ZBTB21: variants seen among roughly 807,000 people sequenced by gnomAD.
ZBTB21 encodes zinc finger and BTB domain-containing protein 21.
ZBTB21 carries 10 observed loss-of-function variants against 39.8 expected under a neutral mutation model. The ratio of observed to expected loss-of-function variants is 0.25; its 90% CI spans 0.16 to 0.43. The LOEUF is 0.43. Among genes scored for constraint, ZBTB21 ranks in the 20% least tolerant of loss-of-function variants. The pLI is 1.00. For synonymous variants in ZBTB21, 551 were observed against 498.8 expected, an observed-to-expected ratio of 1.10 and a Z score of -1.40; for missense variants, 1,221 against 1,296.3, an observed-to-expected ratio of 0.94 and a Z score of 0.89.
chr21:41,999,232 G>A (rs1440939056), intron 2 of ZBTB21, among the ~76,000 whole-genome samples: 1 of 152,192 alleles, frequency 6.6e-6, no homozygotes, highest in Non-Finnish European at 1.5e-5. Context: ...TTAAAGGCTT[G>A]GATAGTCTTT....
At position 41,989,736 on chromosome 21, in the gene ZBTB21, C is replaced by G. The variant is rs1442580647; in HGVS notation, c.*1159G>C. ...AGAATGGCCTTGCCCATGATTTTAACCATCAGACCCCCAACAAATTCTAAC... is the reference window on the plus strand; with the variant it reads ...AGAATGGCCTTGCCCATGATTTTAAGCATCAGACCCCCAACAAATTCTAAC... On this transcript the variant is annotated 3_prime_UTR_variant, in exon 3 of 3. Transcript: ENST00000310826. 1.3e-5 allele frequency: 2 copies of G among 152,102 alleles called. No individual in the cohort carries two copies. Among genetic ancestry groups the G allele is most frequent in the African/African-American group, 4.8e-5 (2 of 41,434 alleles). The allele number at this position is 152,102 out of a possible 1,614,324, so 9.4% of individuals were successfully genotyped here.
rs201747023 is a variant in ZBTB21 at position 41,993,689 on chromosome 21, A to C, written c.407T>G (p.Phe136Cys). The C allele has an allele frequency of 1.2e-6, 2 of 1,614,116 alleles. No homozygotes were observed. The highest frequency in any genetic ancestry group is 2.2e-5 in the East Asian group (1 of 44,880). The change falls in exon 3 of 3, where the codon TTT becomes TGT. Residue 136 changes from phenylalanine to cysteine, a missense_variant. Physicochemically the swap from Phe to Cys is radical, Grantham distance 205 (BLOSUM62 -2). This residue lies in a region of ZBTB21 where 500 missense variants were observed against 465.6 expected (regional missense o/e 1.07). Transcript: ENST00000310826. ...FPTCPNRKKV[F>C]VEDDENSSQK... ...AGAACTGTTTTCATCATCTTCTACAAACACTTTTTTTCTATTAGGACACGT... is the reference window on the plus strand; with the variant it reads ...AGAACTGTTTTCATCATCTTCTACACACACTTTTTTTCTATTAGGACACGT...
rs2065591137 is a variant in ZBTB21, at chr21:41,987,347, C to T, written c.*3548G>A. 6.6e-6 allele frequency: 1 copy of T among 152,150 alleles called. No individual in the cohort carries two copies. The highest frequency in any genetic ancestry group is 1.5e-5 in the Non-Finnish European group (1 of 68,020). The allele number at this position is 152,150 out of a possible 1,614,324, so 9.4% of individuals were successfully genotyped here. On this transcript the variant is annotated 3_prime_UTR_variant, in exon 3 of 3. Transcript: ENST00000310826. ...TCTTCTCCCCAGTCACATGGGAATGCCACAAGCTGGAGTACCCGCTGAGAT... is the reference window on the plus strand; with the variant it reads ...TCTTCTCCCCAGTCACATGGGAATGTCACAAGCTGGAGTACCCGCTGAGAT...
intron 2 of ZBTB21, among the ~76,000 whole-genome samples, chr21:42,001,533 C>A (rs946957728): frequency 6.6e-6 from 1 of 152,162 alleles, no homozygotes; most frequent in South Asian, 2.1e-4. Context: ...GAGGTAGAGA[C>A]GCAGTATAGA....
At chr21:42,000,441 G>A (rs968257009) in intron 2 of ZBTB21, among the ~76,000 whole-genome samples, 3 of 152,146 alleles carry the variant, frequency 2.0e-5, no homozygotes, top group African/African-American at 7.2e-5. Flanking sequence ...TCGAAGCACA[G>A]GTAACGGCTA....
chr21:41,991,201 C>T lies in ZBTB21; in HGVS notation c.2895G>A (p.Glu965=), dbSNP rs1165365479. 6.2e-7 allele frequency: 1 copy of T among 1,614,176 alleles called. No homozygotes were observed. The highest frequency in any genetic ancestry group is 8.5e-7 in the Non-Finnish European group (1 of 1,180,036). The change falls in exon 3 of 3, where the codon GAG becomes GAA. Residue 965 remains glutamate (E), a synonymous_variant. Transcript: ENST00000310826. This position sits in a 1 kb window ranked among gnomAD's most constrained non-coding sequence, Gnocchi z 4.9. ...CCTCAGATTCCTTATGTGCCGATTC[C>T]TCTGAAGCCTGAGACATGTGCGATT... ...HFQSHMSQAS[E]ESAHKESEVC... is the part of the protein sequence containing the mutation.
At position 41,992,108 on chromosome 21, in the gene ZBTB21, C is replaced by T; in HGVS notation, c.1988G>A (p.Arg663Lys). 6.2e-7 allele frequency: 1 copy of T among 1,614,032 alleles called. No individual in the cohort carries two copies. The highest frequency in any genetic ancestry group is 1.1e-5 in the South Asian group (1 of 91,058). Residue 663 changes from arginine to lysine, a missense_variant, in exon 3 of 3, where the codon AGA becomes AAA. Around this residue, in one of 4 missense-constraint regions of ZBTB21, gnomAD observed 523 missense variants for 542.5 expected, o/e 0.96. Transcript: ENST00000310826. This position sits in a 1 kb window ranked among gnomAD's most constrained non-coding sequence, Gnocchi z 4.1. ...QAQQVIKRNL[R>K]SRAKGAYICT... ...AATGTAAGCTCCTTTGGCTCGAGAT[C>T]TCAAGTTCCTCTTGATGACTTGCTG...
At position 41,987,248 on chromosome 21, in the gene ZBTB21, T is replaced by C. The variant is rs1052320772; in HGVS notation, c.*3647A>G. 15 of 152,208 alleles carry C rather than the reference T, an allele frequency of 9.9e-5. No individual in the cohort carries two copies. The highest frequency in any genetic ancestry group is 3.4e-4 in the African/African-American group (14 of 41,462). The allele number at this position is 152,208 out of a possible 1,614,324, so 9.4% of individuals were successfully genotyped here. ...ATACTTTGGTTCCCAAAAGACTGTC[T>C]CTAAAAGGAATTTTTAAAAACACCT... On this transcript the variant is annotated 3_prime_UTR_variant, in exon 3 of 3. Coordinates refer to ENST00000310826, the MANE Select transcript of ZBTB21 (RefSeq NM_001098402.2).
chr21:42,003,193 A>G (rs1207054008), intron 1 of ZBTB21, among the ~76,000 whole-genome samples: 1 of 152,228 alleles, frequency 6.6e-6, no homozygotes, highest in African/African-American at 2.4e-5. Flanking sequence ...AAGAGGCAAC[A>G]TGTTTGAAAG....
At chr21:41,995,189 TAACAGGCA>T (rs2065729386) in intron 2 of ZBTB21, among the ~76,000 whole-genome samples, 1 of 152,162 alleles carries the variant, frequency 6.6e-6, no homozygotes, top group Non-Finnish European at 1.5e-5. Context: ...TGGAACTGGG[TAACAGGCA>T]GAGGCTGGAA....
At position 41,990,787 on chromosome 21, in the gene ZBTB21, C is replaced by T; in HGVS notation, c.*108G>A. On this transcript the variant is annotated 3_prime_UTR_variant, in exon 3 of 3. Coordinates refer to ENST00000310826, the MANE Select transcript of ZBTB21 (RefSeq NM_001098402.2). ...AACTTAATTTCAAGCGTAACAATCTCCAACCTTTATTATTCTTGTTTAAAA... is the reference window on the plus strand; with the variant it reads ...AACTTAATTTCAAGCGTAACAATCTTCAACCTTTATTATTCTTGTTTAAAA... 16 of 1,146,490 alleles carry T rather than the reference C, an allele frequency of 1.4e-5. No homozygotes were observed. The highest frequency in any genetic ancestry group is 1.9e-5 in the Non-Finnish European group (16 of 862,224). The allele number at this position is 1,146,490 out of a possible 1,614,324, so 71.0% of individuals were successfully genotyped here. A position where few individuals can be genotyped will look rare whatever the true frequency, so the allele number is the denominator to read the frequency against.
chr21:41,996,240 CACAG>C (rs1232533358), intron 2 of ZBTB21, among the ~76,000 whole-genome samples: 9 of 152,220 alleles, frequency 5.9e-5, no homozygotes, highest in Non-Finnish European at 1.2e-4. Context: ...CTGCAAAACT[CACAG>C]ACACTCAATG....
intron 1 of ZBTB21, among the ~76,000 whole-genome samples, chr21:42,006,954 T>G (rs1195083257): frequency 6.6e-6 from 1 of 152,224 alleles, no homozygotes; most frequent in Non-Finnish European, 1.5e-5. Flanking sequence ...CTTGGACTTC[T>G]AGCTTTCAGA....
Position 41,991,553 on chromosome 21 carries a change from C to A in ZBTB21, c.2543G>T (p.Ser848Ile), listed in dbSNP as rs141120816. 3 of 1,614,234 alleles carry A rather than the reference C, an allele frequency of 1.9e-6. No homozygotes were observed. The South Asian group carries it at 3.3e-5, about 18-fold the overall frequency. Residue 848 changes from serine (S) to isoleucine (I), a missense_variant, in exon 3 of 3, where the codon AGT becomes ATT. Coordinates refer to ENST00000310826, the MANE Select transcript of ZBTB21 (RefSeq NM_001098402.2). The surrounding 1 kb of genome is among the most constrained non-coding windows in gnomAD (Gnocchi z 4.9). ...IVTTKDDNVF[S>I]DSSEQVNFDS... is the part of the protein sequence containing the mutation. Reference sequence around the variant, plus strand: ...GAAGTTAACTTGTTCTGAAGAATCACTGAACACGTTGTCGTCTTTTGTGGT... The same window carrying A: ...GAAGTTAACTTGTTCTGAAGAATCAATGAACACGTTGTCGTCTTTTGTGGT...
At chr21:41,996,061 G>T (rs895286194) in intron 2 of ZBTB21, among the ~76,000 whole-genome samples, 4 of 152,252 alleles carry the variant, frequency 2.6e-5, no homozygotes, top group Non-Finnish European at 1.5e-5. Context: ...TCCATGAGGG[G>T]CAGGGCCCCA....
In ZBTB21 at chr21:41,993,400, G is replaced by T. The variant is rs114316670; in HGVS notation, c.696C>A (p.Ile232=). Residue 232 remains isoleucine (I), a synonymous_variant, in exon 3 of 3, where the codon ATC becomes ATA. Transcript: ENST00000310826. ...ACACTGCATTTCTTTTCACCAAACT[G>T]ATTCTATTAGGATCATCCAAAGATC... ...HSGSLDDPNR[I]SLVKRNAVLP... 4.6e-4 allele frequency: 736 copies of T among 1,614,156 alleles called. 1 individual carries two copies. The African/African-American group carries it at 9.0e-3, about 20-fold the overall frequency.
rs1237856044 is a variant in ZBTB21, at chr21:41,993,882, G to A, written c.214C>T (p.Leu72Phe). Reference sequence around the variant, plus strand: ...AAAGCATCTGGCTCACAGAAGTCAAGCTGAAATACAGTTTGTGACTCATTT... The same window carrying A: ...AAAGCATCTGGCTCACAGAAGTCAAACTGAAATACAGTTTGTGACTCATTT... Reference protein sequence around the residue: ...KENESQTVFQLDFCEPDAFDN... With the variant: ...KENESQTVFQFDFCEPDAFDN... The change falls in exon 3 of 3, where the codon CTT becomes TTT. Residue 72 changes from leucine (L) to phenylalanine (F), a missense_variant. Transcript: ENST00000310826. 2.5e-6 allele frequency: 4 copies of A among 1,613,896 alleles called. No individual in the cohort carries two copies. The highest frequency in any genetic ancestry group is 1.3e-5 in the African/African-American group (1 of 75,032).
intron 2 of ZBTB21, among the ~76,000 whole-genome samples, chr21:41,996,084 T>C (rs2065742609): frequency 6.6e-6 from 1 of 152,232 alleles, no homozygotes; most frequent in Admixed American, 6.5e-5. Context: ...GAGAAACTTC[T>C]GCTAGGGCAA....
chr21:41,992,487 A>G lies in ZBTB21; in HGVS notation c.1609T>C (p.Leu537=). Residue 537 remains leucine, a synonymous_variant, in exon 3 of 3, where the codon TTG becomes CTG. Coordinates refer to ENST00000310826, the MANE Select transcript of ZBTB21 (RefSeq NM_001098402.2). This position sits in a 1 kb window ranked among gnomAD's most constrained non-coding sequence, Gnocchi z 4.1. ...TTTTTGTTTGGTCTCGTCCCCTCCAACTCACCAAATTCGTCTTTATTCAAA... is the reference window on the plus strand; with the variant it reads ...TTTTTGTTTGGTCTCGTCCCCTCCAGCTCACCAAATTCGTCTTTATTCAAA... The part of the protein sequence containing the change: ...SDLNKDEFGE[L]EGTRPNKKFK... The G allele has an allele frequency of 6.2e-7, 1 of 1,614,058 alleles. No homozygotes were observed. Among genetic ancestry groups the G allele is most frequent in the Non-Finnish European group, 8.5e-7 (1 of 1,179,994 alleles).
Sources: gnomAD v4.1 joint callset for allele counts (sites outside exome capture counted in the v4.1 genomes callset) on GRCh38, gnomAD v4.1.1 for gene constraint, gnomAD v4.1.1 regional missense constraint, Gnocchi (gnomAD v3.1) non-coding constraint, MANE v1.5 for transcripts, NCBI Gene and HGNC (gene_info 2026-07-23, HGNC 2026-07-21) for gene names.